The following ATG5 variants were observed in gnomAD, a reference collection of about 807,000 sequenced individuals.
ATG5 encodes autophagy related 5.
A neutral mutation model predicts 36.5 loss-of-function variants in ATG5; 14 were observed. The observed-to-expected ratio is 0.38, with a 90% CI of 0.25 to 0.60. The LOEUF (loss-of-function observed/expected upper bound fraction) is 0.60, where lower values mean the gene tolerates loss of function less well. ATG5 is among the 20% of genes least tolerant of loss of function. The pLI is 0.60. For missense variants in ATG5, 195 were observed against 326.7 expected (o/e 0.60, Z 3.11); for synonymous variants, 95 against 101.5 (o/e 0.94, Z 0.38).
intron 3 of ATG5, among the ~76,000 whole-genome samples, chr6:106,300,451 T>G (rs1770163063): frequency 6.6e-6 from 1 of 152,312 alleles, no homozygotes; most frequent in South Asian, 2.1e-4. Context: ...TATTAAATTC[T>G]GAGTCATTCT....
intron 2 of ATG5, among the ~76,000 whole-genome samples, chr6:106,310,683 G>A (rs949288009): frequency 4.6e-5 from 7 of 151,984 alleles, no homozygotes; most frequent in Admixed American, 2.0e-4. Context: ...GAAACTGTAC[G>A]TATTAAACAG....
chr6:106,308,583 C>T lies in ATG5; in HGVS notation c.109-92G>A, dbSNP rs949097098. The T allele has an allele frequency of 1.8e-5, 18 of 1,000,006 alleles. No individual in the cohort carries two copies. The African/African-American group carries it at 2.5e-4, about 14-fold the overall frequency. 61.9% of individuals were successfully genotyped at this position (1,000,006 alleles called of 1,614,324 possible). ...TTTTTGAATTTTAAGGAAAAACAGCCGTGTTCTTTGCATTATTTTGAATAT... is the reference window on the plus strand; with the variant it reads ...TTTTTGAATTTTAAGGAAAAACAGCTGTGTTCTTTGCATTATTTTGAATAT... On this transcript the variant is annotated intron_variant, in intron 2 of 7. Transcript: ENST00000369076.
At chr6:106,290,259 A>T (rs890728107) in intron 4 of ATG5, among the ~76,000 whole-genome samples, 21 of 141,572 alleles carry the variant, frequency 1.5e-4, no homozygotes, top group Middle Eastern at 3.7e-3. Flanking sequence ...ATTTTATTTT[A>T]TTTATTTTAT....
chr6:106,323,286 T>TC lies in ATG5; in HGVS notation c.-59+2239_-59+2240insG, dbSNP rs1554227065. On this transcript the variant is annotated intron_variant, in intron 1 of 7. Transcript: ENST00000369076. ...TTTTTTTTTTTTTTTTTTTTTTTTT[T>TC]AAAGAGACAGGGTCTTGCTGTCACC... 3.2e-5 allele frequency among the ~76,000 whole-genome samples: 4 copies of TC among 125,844 alleles called. No individual in the cohort carries two copies. The East Asian group carries it at 8.6e-4, about 27-fold the overall frequency. 82.6% of individuals were successfully genotyped at this position (125,844 alleles called of 152,430 possible).
At chr6:106,317,589 A>G (rs769232060) in intron 1 of ATG5, among the ~76,000 whole-genome samples, 1 of 152,230 alleles carries the variant, frequency 6.6e-6, no homozygotes, top group Non-Finnish European at 1.5e-5. Flanking sequence ...AACTGAGTCC[A>G]GTGCTCTTTC....
chr6:106,320,270 G>A (rs1771009938), intron 1 of ATG5, among the ~76,000 whole-genome samples: 2 of 152,200 alleles, frequency 1.3e-5, no homozygotes, highest in Admixed American at 1.3e-4. Context: ...GAGTTTTCAT[G>A]GGGCAGGGGA....
chr6:106,285,254 T>C (rs767961118), intron 4 of ATG5, among the ~76,000 whole-genome samples: 1 of 152,216 alleles, frequency 6.6e-6, no homozygotes, highest in Non-Finnish European at 1.5e-5. Context: ...TTCTACAATT[T>C]TGTGGTTTTT....
chr6:106,282,999 C>G (rs1343536074), intron 4 of ATG5, among the ~76,000 whole-genome samples: 1 of 152,066 alleles, frequency 6.6e-6, no homozygotes, highest in Non-Finnish European at 1.5e-5. Flanking sequence ...CTATGTCGCC[C>G]AGGCTGGTCT....
At chr6:106,201,738 TAA>T (rs1211657039) in intron 7 of ATG5, 1 of 269,044 alleles carries the variant, frequency 3.7e-6, no homozygotes, top group Non-Finnish European at 6.9e-6. Flanking sequence ...AGAGATATAC[TAA>T]GAGGATGATT....
At chr6:106,200,074 T>TAGAG (rs1342541003) in intron 7 of ATG5, among the ~76,000 whole-genome samples, 1 of 152,212 alleles carries the variant, frequency 6.6e-6, no homozygotes, top group South Asian at 2.1e-4. Flanking sequence ...AATGAACCTC[T>TAGAG]GTTCATTTTT....
At chr6:106,305,699 A>C (rs1770418094) in intron 3 of ATG5, among the ~76,000 whole-genome samples, 1 of 152,236 alleles carries the variant, frequency 6.6e-6, no homozygotes, top group South Asian at 2.1e-4. Flanking sequence ...GTATGGTCTC[A>C]AAAGTCCAAG....
At chr6:106,265,828 C>T (rs1779206841) in intron 5 of ATG5, among the ~76,000 whole-genome samples, 1 of 152,190 alleles carries the variant, frequency 6.6e-6, no homozygotes, top group African/African-American at 2.4e-5. Flanking sequence ...ACCAGAATCT[C>T]TGAGACACAG....
At chr6:106,227,734 C>T (rs779507473) in intron 6 of ATG5, among the ~76,000 whole-genome samples, 21 of 152,222 alleles carry the variant, frequency 1.4e-4, no homozygotes, top group Non-Finnish European at 2.9e-4. Context: ...AAAATTAAGA[C>T]AGCCTTGTTT....
intron 6 of ATG5, among the ~76,000 whole-genome samples, chr6:106,231,718 G>A (rs1777701021): frequency 6.6e-6 from 1 of 152,040 alleles, no homozygotes; most frequent in Non-Finnish European, 1.5e-5. Flanking sequence ...ACAGACATTA[G>A]GAAAAAACTT....
At chr6:106,204,404 G>A in intron 6 of ATG5, among the ~76,000 whole-genome samples, 1 of 152,160 alleles carries the variant, frequency 6.6e-6, no homozygotes, top group African/African-American at 2.4e-5. Context: ...AAAAAATCTT[G>A]ATAATATGCA....
intron 5 of ATG5, among the ~76,000 whole-genome samples, chr6:106,276,029 TAA>T (rs964897009): frequency 1.3e-5 from 2 of 152,240 alleles, no homozygotes; most frequent in African/African-American, 4.8e-5. Flanking sequence ...TCCTGGAATC[TAA>T]AAGTGACTTC....
At chr6:106,204,497 T>C (rs1445235503) in intron 6 of ATG5, among the ~76,000 whole-genome samples, 1 of 152,220 alleles carries the variant, frequency 6.6e-6, no homozygotes, top group Non-Finnish European at 1.5e-5. Flanking sequence ...TTGATATGTT[T>C]TGGCTCTGTG....
chr6:106,245,273 G>C (rs2743562), intron 6 of ATG5, among the ~76,000 whole-genome samples: 12,428 of 152,174 alleles, frequency 0.082, 533 homozygotes, highest in South Asian at 0.13. Context: ...AAAATAAATA[G>C]TTTGATGACA....
rs1408417123 is a variant in ATG5 at position 106,186,116 on chromosome 6, T to C, written c.*424A>G. 2 of 156,770 alleles carry C rather than the reference T, an allele frequency of 1.3e-5. No homozygotes were observed. Among genetic ancestry groups the C allele is most frequent in the Non-Finnish European group, 2.8e-5 (2 of 70,824 alleles). 9.7% of individuals were successfully genotyped at this position (156,770 alleles called of 1,614,324 possible). ...TAACAGAATTTCTCTTTTACTTTCT[T>C]AATTCTCTTGAAAATTAAACCAATG... is the stretch of plus-strand genomic sequence containing the variant. On this transcript the variant is annotated 3_prime_UTR_variant, in exon 8 of 8. Transcript: ENST00000369076.
Sources: gnomAD v4.1 joint callset for allele counts (sites outside exome capture counted in the v4.1 genomes callset) on GRCh38, gnomAD v4.1.1 for gene constraint, MANE v1.5 for transcripts, NCBI Gene and HGNC (gene_info 2026-07-23, HGNC 2026-07-21) for gene names.